Variants in PTPRH observed in about 807,000 individuals in gnomAD.
PTPRH encodes the protein receptor-type tyrosine-protein phosphatase H.
In PTPRH, 113 loss-of-function variants were observed where a neutral mutation model predicts 130.2. That is an observed-to-expected ratio of 0.87 (90% confidence interval 0.75 to 1.01). PTPRH has a LOEUF of 1.01. Among genes scored for constraint, PTPRH ranks in the 50% least tolerant of loss-of-function variants. The pLI is 0.00. For synonymous variants in PTPRH, 556 were observed against 577.9 expected, an observed-to-expected ratio of 0.96 and a Z score of 0.54; for missense variants, 1,430 against 1,425.0, an observed-to-expected ratio of 1.00 and a Z score of -0.06.
chr19:55,193,066 T>C (rs1437753040), intron 10 of PTPRH, among the ~76,000 whole-genome samples: 6 of 150,078 alleles, frequency 4.0e-5, no homozygotes, highest in African/African-American at 1.2e-4. Context: ...CAGTCTCTAC[T>C]AAAAAAACAA....
At chr19:55,203,130 C>T (rs1367963783) in intron 5 of PTPRH, among the ~76,000 whole-genome samples, 3 of 151,602 alleles carry the variant, frequency 2.0e-5, no homozygotes, top group East Asian at 2.0e-4. Flanking sequence ...AGATCGAGAC[C>T]ATCCTGGCTA....
At position 55,200,263 on chromosome 19, in the gene PTPRH, A is replaced by T. The variant is rs1170647533; in HGVS notation, c.1393T>A (p.Ser465Thr). Reference sequence around the variant, plus strand: ...GTGGAGATGCTGACATTCTGCCTGGAGCCACGTGCTCCATTTTTTTCTGCC... The same window carrying T: ...GTGGAGATGCTGACATTCTGCCTGGTGCCACGTGCTCCATTTTTTTCTGCC... The part of the protein sequence containing the change: ...VWAEKNGARG[S>T]RQNVSISTVP... Residue 465 changes from serine (S) to threonine (T), a missense_variant, in exon 7 of 20, where the codon TCC becomes ACC. Ser to Thr is a moderately conservative substitution (Grantham distance 58). Coordinates refer to ENST00000376350, the MANE Select transcript of PTPRH (RefSeq NM_002842.5). 3 of 1,614,190 alleles carry T rather than the reference A, an allele frequency of 1.9e-6. No individual in the cohort carries two copies. The South Asian group carries it at 3.3e-5, about 18-fold the overall frequency.
At position 55,201,923 on chromosome 19, in the gene PTPRH, G is replaced by T. The variant is rs1600064405; in HGVS notation, c.1153+133C>A. The T allele has an allele frequency of 1.5e-5, 21 of 1,375,770 alleles. No individual in the cohort carries two copies. In the South Asian group the frequency reaches 2.5e-4, roughly 16 times the overall value. The allele number at this position is 1,375,770 out of a possible 1,614,324, so 85.2% of individuals were successfully genotyped here. On this transcript the variant is annotated intron_variant, in intron 6 of 19. Coordinates refer to ENST00000376350, the MANE Select transcript of PTPRH (RefSeq NM_002842.5). ...CTTCTTCATCTCCTGAGCTGAGACTGCCCCAGGATGTGGACATGAGTACCT... is the reference window on the plus strand; with the variant it reads ...CTTCTTCATCTCCTGAGCTGAGACTTCCCCAGGATGTGGACATGAGTACCT...
intron 8 of PTPRH, among the ~76,000 whole-genome samples, chr19:55,198,324 C>T (rs1408128183): frequency 6.6e-6 from 1 of 152,176 alleles, no homozygotes; most frequent in Non-Finnish European, 1.5e-5. Context: ...TCATCTAATT[C>T]CCTGGGACCA....
intron 18 of PTPRH, among the ~76,000 whole-genome samples, chr19:55,183,682 C>A (rs1200548155): frequency 1.3e-5 from 2 of 152,064 alleles, no homozygotes; most frequent in Non-Finnish European, 2.9e-5. Context: ...GGAGATCGCA[C>A]CGTTGCACTC....
chr19:55,186,876 C>A (rs1156401018), intron 14 of PTPRH, among the ~76,000 whole-genome samples: 1 of 151,892 alleles, frequency 6.6e-6, no homozygotes. Flanking sequence ...GAAACCCGGT[C>A]GCCATTAAAA....
intron 4 of PTPRH, 53 bp downstream of exon 4, chr19:55,205,273 G>T (rs1395702019): frequency 2.5e-6 from 4 of 1,605,922 alleles, no homozygotes; most frequent in South Asian, 1.1e-5. Context: ...ACGTTCTCCT[G>T]CCTACTGCCC....
chr19:55,205,223 C>G, intron 4 of PTPRH, 103 bp downstream of exon 4: 5 of 1,538,474 alleles, frequency 3.2e-6, no homozygotes, highest in Non-Finnish European at 3.5e-6. Flanking sequence ...GAGTACCTGG[C>G]TCAATGTGGC....
intron 18 of PTPRH, 143 bp from the exon 19 acceptor site, chr19:55,182,294 G>A: frequency 9.6e-7 from 1 of 1,037,948 alleles, no homozygotes; most frequent in African/African-American, 1.6e-5. Context: ...GGGAGGCTGA[G>A]GCCGGTGGAT....
chr19:55,205,245 A>C, intron 4 of PTPRH, 81 bp downstream of exon 4: 3 of 1,578,682 alleles, frequency 1.9e-6, no homozygotes, highest in Non-Finnish European at 2.6e-6. Flanking sequence ...CAGAGGGACT[A>C]TGGAATAGAA....
intron 6 of PTPRH, among the ~76,000 whole-genome samples, chr19:55,200,786 A>G (rs1471990518): frequency 6.6e-6 from 1 of 151,686 alleles, no homozygotes; most frequent in Admixed American, 6.6e-5. Flanking sequence ...TACTAAAAAT[A>G]CAAAAAATTA....
Position 55,209,327 on chromosome 19 carries a change from C to A in PTPRH, c.51+56G>T. 1 of 1,466,358 alleles carries A rather than the reference C, an allele frequency of 6.8e-7. No individual in the cohort carries two copies. The highest frequency in any genetic ancestry group is 9.4e-7 in the Non-Finnish European group (1 of 1,068,764). 90.8% of individuals were successfully genotyped at this position (1,466,358 alleles called of 1,614,324 possible). The stretch of plus-strand genomic sequence containing the variant: ...GAGGTGCAGGCACCCAGCTCCTTCT[C>A]CCTCAGACCTGGGAGTCCCTGCCTT... On this transcript the variant is annotated intron_variant, in intron 1 of 19. Transcript: ENST00000376350. This position sits in a 1 kb window ranked among gnomAD's most constrained non-coding sequence, Gnocchi z 4.1.
In PTPRH at chr19:55,200,501, G is replaced by A. The variant is rs1368682534; in HGVS notation, c.1155C>T (p.Ala385=). 1 of 1,613,834 alleles carries A rather than the reference G, an allele frequency of 6.2e-7. No homozygotes were observed. The highest frequency in any genetic ancestry group is 1.7e-5 in the Admixed American group (1 of 59,978). Residue 385 remains alanine, a splice_region_variant and synonymous_variant, in exon 7 of 20, where the codon GCC becomes GCT. Coordinates refer to ENST00000376350, the MANE Select transcript of PTPRH (RefSeq NM_002842.5). ...SSRETRNATT[A]PNPVRNLHME... is the part of the protein sequence containing the mutation. Reference sequence around the variant, plus strand: ...TATGGAGGTTTCTCACTGGGTTGGGGGCTGAGAAAGTAGGAAGAAGATCCT... The same window carrying A: ...TATGGAGGTTTCTCACTGGGTTGGGAGCTGAGAAAGTAGGAAGAAGATCCT...
intron 13 of PTPRH, 115 bp downstream of exon 13, chr19:55,187,963 A>T: frequency 1.4e-6 from 1 of 715,390 alleles, no homozygotes; most frequent in Admixed American, 2.2e-5. Flanking sequence ...CCAATGACAT[A>T]TGTGATGCTA....
chr19:55,194,429 CT>C, intron 10 of PTPRH: 1 of 986,058 alleles, frequency 1.0e-6, no homozygotes, highest in Non-Finnish European at 1.3e-6. Flanking sequence ...ATCCTTGTTA[CT>C]AAGGGAGAGA....
Position 55,191,364 on chromosome 19 carries a change from G to T in PTPRH, c.2384+137C>A. ...TCACGATGGAAGGGCCGTGGTCCCTGTCGCAGAGGCATGGGCCCCTTCTGA... is the reference window on the plus strand; with the variant it reads ...TCACGATGGAAGGGCCGTGGTCCCTTTCGCAGAGGCATGGGCCCCTTCTGA... On this transcript the variant is annotated intron_variant, in intron 12 of 19. Coordinates refer to ENST00000376350, the MANE Select transcript of PTPRH (RefSeq NM_002842.5). The T allele has an allele frequency of 3.0e-6, 3 of 1,006,238 alleles. No homozygotes were observed. In the East Asian group the frequency reaches 7.2e-5, roughly 24 times the overall value. 62.3% of individuals were successfully genotyped at this position (1,006,238 alleles called of 1,614,324 possible).
chr19:55,190,920 C>G (rs2147440322), intron 12 of PTPRH, among the ~76,000 whole-genome samples: 1 of 152,246 alleles, frequency 6.6e-6, no homozygotes, highest in Middle Eastern at 3.4e-3. Flanking sequence ...CAACTCACTG[C>G]AAGCTCTACC....
intron 5 of PTPRH, among the ~76,000 whole-genome samples, chr19:55,203,152 C>G (rs1389378118): frequency 6.8e-6 from 1 of 147,566 alleles, no homozygotes; most frequent in Non-Finnish European, 1.5e-5. Flanking sequence ...CACGGTGAAA[C>G]CCGTCTCTAC....
At chr19:55,196,092 T>C (rs1217598365) in intron 10 of PTPRH, among the ~76,000 whole-genome samples, 1 of 152,134 alleles carries the variant, frequency 6.6e-6, no homozygotes, top group Non-Finnish European at 1.5e-5. Context: ...ATTGTAACTT[T>C]AAGTGGTGAG....
Sources: allele counts gnomAD v4.1 joint callset (sites outside exome capture counted in the v4.1 genomes callset), GRCh38; gene constraint gnomAD v4.1.1; non-coding constraint Gnocchi (gnomAD v3.1); transcripts MANE v1.5; gene names NCBI Gene and HGNC (gene_info 2026-07-23, HGNC 2026-07-21).